Variants in SPOCK3 observed in about 807,000 individuals in gnomAD.
SPOCK3 encodes the protein testican-3.
SPOCK3 carries 30 observed loss-of-function variants against 56.6 expected under a neutral mutation model. The ratio of observed to expected loss-of-function variants is 0.53; its 90% confidence interval spans 0.40 to 0.72. The LOEUF (loss-of-function observed/expected upper bound fraction) is 0.72, where lower values mean the gene tolerates loss of function less well. Ranked by LOEUF, SPOCK3 falls within the 30% of genes least tolerant of loss-of-function variation. The pLI, the probability that SPOCK3 is intolerant of heterozygous loss-of-function variation, is 0.00. For synonymous variants in SPOCK3, 196 were observed against 183.3 expected (o/e 1.07, Z -0.56); for missense variants, 527 against 530.0 (o/e 0.99, Z 0.06).
intron 8 of SPOCK3, chr4:166,754,213 G>C (rs1490085156): frequency 9.3e-7 from 1 of 1,080,964 alleles, no homozygotes; most frequent in Non-Finnish European, 1.1e-6. Flanking sequence ...ATTACTTTCA[G>C]TATCTAAGTT....
chr4:167,081,473 T>C (rs1466154641), intron 2 of SPOCK3, among the ~76,000 whole-genome samples: 1 of 152,004 alleles, frequency 6.6e-6, no homozygotes, highest in Admixed American at 6.6e-5. Flanking sequence ...CACTCACTCA[T>C]GCATATTATG....
chr4:167,152,909 CTATT>C (rs1764535239), intron 2 of SPOCK3, among the ~76,000 whole-genome samples: 1 of 151,966 alleles, frequency 6.6e-6, no homozygotes, highest in Non-Finnish European at 1.5e-5. Context: ...TTTAGCCTAT[CTATT>C]TATTTGTTTA....
chr4:167,172,910 G>A (rs1730634644), intron 2 of SPOCK3, among the ~76,000 whole-genome samples: 1 of 152,036 alleles, frequency 6.6e-6, no homozygotes, highest in African/African-American at 2.4e-5. Flanking sequence ...AATATTTCAG[G>A]TAGAAATTAT....
chr4:167,107,750 C>T (rs1368316500), intron 2 of SPOCK3, among the ~76,000 whole-genome samples: 1 of 151,792 alleles, frequency 6.6e-6, no homozygotes, highest in Non-Finnish European at 1.5e-5. Context: ...GGTAAAGTTG[C>T]AGGATACAAA....
chr4:167,208,814 A>G (rs1454164060), intron 2 of SPOCK3, among the ~76,000 whole-genome samples: 1 of 152,144 alleles, frequency 6.6e-6, no homozygotes, highest in Non-Finnish European at 1.5e-5. Context: ...TAGCAAGGAA[A>G]CTTTCCTATA....
At chr4:167,043,480 C>G (rs7698025) in intron 3 of SPOCK3, among the ~76,000 whole-genome samples, 1 of 151,928 alleles carries the variant, frequency 6.6e-6, no homozygotes, top group Non-Finnish European at 1.5e-5. Flanking sequence ...TTAGGACTTT[C>G]GTTATAAAGT....
chr4:166,904,687 T>C (rs1736422575), intron 5 of SPOCK3, among the ~76,000 whole-genome samples: 1 of 151,902 alleles, frequency 6.6e-6, no homozygotes, highest in South Asian at 2.1e-4. Context: ...GAGAGTAGAA[T>C]TGGGGGTGTT....
chr4:166,898,359 A>G lies in SPOCK3; in HGVS notation c.475-9115T>C, dbSNP rs997011833. On this transcript the variant is annotated intron_variant, in intron 5 of 10. Coordinates refer to ENST00000357545, the MANE Select transcript of SPOCK3 (RefSeq NM_001040159.2). ...AGGTTTCTCTCTCTCCAAGTGAGAC[A>G]GAAGGCCCAGTACACTCATTCACCT... Among the ~76,000 whole-genome samples, 3 of 152,196 alleles carry G rather than the reference A, an allele frequency of 2.0e-5. No individual in the cohort carries two copies. In the East Asian group the frequency reaches 5.8e-4, roughly 30 times the overall value.
At chr4:166,958,293 T>A (rs1009474140) in intron 4 of SPOCK3, among the ~76,000 whole-genome samples, 2 of 152,186 alleles carry the variant, frequency 1.3e-5, no homozygotes, top group Non-Finnish European at 2.9e-5. Context: ...TCTGCCATGA[T>A]TTGAAGCTTC....
At chr4:166,944,939 A>G (rs573778266) in intron 4 of SPOCK3, among the ~76,000 whole-genome samples, 76 of 152,216 alleles carry the variant, frequency 5.0e-4, no homozygotes, top group Non-Finnish European at 7.4e-4. Flanking sequence ...ATGATTTCCA[A>G]TTGTATTCAG....
At chr4:167,097,794 T>G (rs932055272) in intron 2 of SPOCK3, among the ~76,000 whole-genome samples, 1 of 151,886 alleles carries the variant, frequency 6.6e-6, no homozygotes, top group South Asian at 2.1e-4. Context: ...GGAATCAATG[T>G]TGGTGATCAT....
At chr4:166,737,657 G>A in intron 9 of SPOCK3, 53 bp from the exon 10 acceptor site, 19 of 1,549,648 alleles carry the variant, frequency 1.2e-5, no homozygotes, top group Non-Finnish European at 1.7e-5. Context: ...TTATGAATAA[G>A]CTGTGCTCCT....
At chr4:166,838,731 A>C (rs113284526) in intron 6 of SPOCK3, among the ~76,000 whole-genome samples, 1 of 140,434 alleles carries the variant, frequency 7.1e-6, no homozygotes, top group South Asian at 3.0e-4. Context: ...TGAGCGGATC[A>C]CAAAGTCAGG....
intron 10 of SPOCK3, 115 bp from the exon 11 acceptor site, chr4:166,735,205 T>C: frequency 4.5e-6 from 3 of 661,562 alleles, no homozygotes; most frequent in South Asian, 4.4e-5. Flanking sequence ...TTGTTTTCTA[T>C]CTTATTTATC....
intron 2 of SPOCK3, among the ~76,000 whole-genome samples, chr4:167,156,178 G>A (rs1290936221): frequency 1.3e-5 from 2 of 152,070 alleles, no homozygotes; most frequent in African/African-American, 2.4e-5. Flanking sequence ...TGTGTGTTCT[G>A]TTTTACATAT....
At chr4:166,735,964 GCACATA>G (rs1734178604) in intron 10 of SPOCK3, among the ~76,000 whole-genome samples, 1 of 152,010 alleles carries the variant, frequency 6.6e-6, no homozygotes, top group South Asian at 2.1e-4. Flanking sequence ...AGGCAATAAT[GCACATA>G]CATCTTAGCA....
intron 4 of SPOCK3, among the ~76,000 whole-genome samples, chr4:166,976,455 G>A (rs1745956574): frequency 1.3e-5 from 2 of 151,922 alleles, no homozygotes; most frequent in Non-Finnish European, 2.9e-5. Flanking sequence ...ATGTAACTAG[G>A]GGCTTGAATT....
rs141919792 is a variant in SPOCK3 at position 166,915,463 on chromosome 4, T to C, written c.351-2720A>G. Among the ~76,000 whole-genome samples the C allele has an allele frequency of 3.0e-4, 45 of 152,328 alleles. No homozygotes were observed. In the East Asian group the frequency reaches 7.7e-3, roughly 26 times the overall value. On this transcript the variant is annotated intron_variant, in intron 4 of 10. Coordinates refer to ENST00000357545, the MANE Select transcript of SPOCK3 (RefSeq NM_001040159.2). ...TAGCCAAGTAGATGAAGATGTAACA[T>C]TAAAAACTTAACACTTAATACCTGT...
intron 2 of SPOCK3, among the ~76,000 whole-genome samples, chr4:167,205,136 T>A (rs1437620691): frequency 1.7e-5 from 2 of 116,052 alleles, no homozygotes; most frequent in African/African-American, 6.7e-5. Context: ...AAAAAAAAAA[T>A]ACATATATAT....
Sources: gnomAD v4.1 joint callset for allele counts (sites outside exome capture counted in the v4.1 genomes callset) on GRCh38, gnomAD v4.1.1 for gene constraint, MANE v1.5 for transcripts, NCBI Gene and HGNC (gene_info 2026-07-23, HGNC 2026-07-21) for gene names.